Variants in COL5A2 observed in about 807,000 individuals in gnomAD.
COL5A2 encodes collagen alpha-2(V) chain.
In COL5A2, 23 loss-of-function variants were observed where a neutral mutation model predicts 208.2. That is an observed-to-expected ratio of 0.11 (90% confidence interval 0.08 to 0.16). The LOEUF is 0.16. Ranked by LOEUF, COL5A2 falls within the 10% of genes least tolerant of loss-of-function variation. The pLI, the probability that COL5A2 is intolerant of heterozygous loss-of-function variation, is 1.00. For missense variants in COL5A2, 1,590 were observed against 1,956.4 expected (o/e 0.81, Z 3.53); for synonymous variants, 625 against 628.5 (o/e 0.99, Z 0.08).
intron 3 of COL5A2, among the ~76,000 whole-genome samples, chr2:189,103,815 G>C (rs1044500123): frequency 6.6e-6 from 1 of 151,958 alleles, no homozygotes; most frequent in Non-Finnish European, 1.5e-5. Context: ...CAATGAGAGA[G>C]GGGCTACAGG....
the COL5A2 span, among the ~76,000 whole-genome samples, chr2:189,291,482 T>C: frequency 6.6e-6 from 1 of 152,138 alleles, no homozygotes; most frequent in Admixed American, 6.5e-5. Context: ...TTTTACTCCC[T>C]TATAGTTGAA....
chr2:189,089,873 G>A (rs958127929), intron 7 of COL5A2, among the ~76,000 whole-genome samples: 5 of 152,066 alleles, frequency 3.3e-5, no homozygotes, highest in Non-Finnish European at 7.4e-5. Flanking sequence ...TCTACCAACC[G>A]GGTGTTCCCC....
At chr2:189,048,100 A>C (rs1381620441) in intron 45 of COL5A2, 109 bp downstream of exon 45, 1 of 961,102 alleles carries the variant, frequency 1.0e-6, no homozygotes, top group Non-Finnish European at 1.7e-6. Flanking sequence ...ATTCAGAAAA[A>C]TCAGAAGTGT....
the COL5A2 span, among the ~76,000 whole-genome samples, chr2:189,369,611 A>G: frequency 4.0e-5 from 6 of 151,850 alleles, no homozygotes; most frequent in South Asian, 1.0e-3. Context: ...TTACCTATGA[A>G]TTTTGATTAT....
the COL5A2 span, among the ~76,000 whole-genome samples, chr2:189,320,454 T>G: frequency 5.3e-5 from 8 of 152,112 alleles, no homozygotes; most frequent in African/African-American, 1.9e-4. Context: ...GAATAACCAA[T>G]GCAGAGAAGT....
chr2:189,168,238 T>TTG (rs1553523273), intron 1 of COL5A2, among the ~76,000 whole-genome samples: 1 of 12,704 alleles, frequency 7.9e-5, no homozygotes, highest in Non-Finnish European at 1.0e-3. Flanking sequence ...TGTGCCCGGG[T>TTG]TTTTTTTTTT....
the COL5A2 span, among the ~76,000 whole-genome samples, chr2:189,297,319 T>C: frequency 6.6e-6 from 1 of 152,204 alleles, no homozygotes; most frequent in Non-Finnish European, 1.5e-5. Flanking sequence ...TATGGCTACA[T>C]TAAATTTGTC....
the COL5A2 span, among the ~76,000 whole-genome samples, chr2:189,397,993 A>G: frequency 2.0e-5 from 3 of 152,254 alleles, no homozygotes; most frequent in African/African-American, 7.2e-5. Flanking sequence ...TATTTTTATC[A>G]GCATTCAGTT....
At chr2:189,364,564 G>C in the COL5A2 span, among the ~76,000 whole-genome samples, 2 of 152,068 alleles carry the variant, frequency 1.3e-5, no homozygotes, top group Admixed American at 6.6e-5. Flanking sequence ...GTGGGCACCT[G>C]TCATTCCAGC....
the COL5A2 span, among the ~76,000 whole-genome samples, chr2:189,422,347 TA>T: frequency 3.9e-5 from 6 of 152,176 alleles, no homozygotes; most frequent in East Asian, 9.7e-4. Flanking sequence ...AATAATATTT[TA>T]AGAAACAGAA....
the COL5A2 span, among the ~76,000 whole-genome samples, chr2:189,416,829 C>T: frequency 6.6e-6 from 1 of 152,088 alleles, no homozygotes; most frequent in East Asian, 1.9e-4. Flanking sequence ...CATTTGTAGC[C>T]CACTGAATTT....
the COL5A2 span, among the ~76,000 whole-genome samples, chr2:189,251,211 T>C: frequency 2.0e-5 from 3 of 152,112 alleles, no homozygotes; most frequent in Admixed American, 2.0e-4. Context: ...AAATATCCTC[T>C]AATAATCAAT....
the COL5A2 span, among the ~76,000 whole-genome samples, chr2:189,407,853 A>G: frequency 6.6e-6 from 1 of 152,224 alleles, no homozygotes; most frequent in Admixed American, 6.5e-5. Context: ...ACCTGTAGTC[A>G]GGAAATGAGA....
the COL5A2 span, among the ~76,000 whole-genome samples, chr2:189,263,820 T>C: frequency 6.6e-6 from 1 of 152,166 alleles, no homozygotes. Flanking sequence ...GTGTAGTAAG[T>C]AATCTAGGTT....
chr2:189,346,394 A>T, the COL5A2 span, among the ~76,000 whole-genome samples: 1 of 152,288 alleles, frequency 6.6e-6, no homozygotes, highest in South Asian at 2.1e-4. Flanking sequence ...AATTACTATC[A>T]ATGTTCATAC....
intron 7 of COL5A2, among the ~76,000 whole-genome samples, chr2:189,091,753 G>T (rs1686790356): frequency 6.6e-6 from 1 of 152,136 alleles, no homozygotes; most frequent in Non-Finnish European, 1.5e-5. Context: ...TCCATGGTTT[G>T]CCTGTACTTA....
intron 5 of COL5A2, among the ~76,000 whole-genome samples, chr2:189,097,957 A>G (rs186372325): frequency 7.2e-5 from 11 of 152,310 alleles, no homozygotes; most frequent in Middle Eastern, 6.8e-3. Context: ...TCTTAATTAC[A>G]GTTACTTTTC....
intron 1 of COL5A2, among the ~76,000 whole-genome samples, chr2:189,135,381 C>G (rs1042247440): frequency 1.3e-5 from 2 of 152,146 alleles, no homozygotes; most frequent in Non-Finnish European, 2.9e-5. Context: ...AAGAGTAACA[C>G]ATGGGCTTTG....
At position 189,151,805 on chromosome 2, in the gene COL5A2, CTTTGG is replaced by C. The variant is rs552455515; in HGVS notation, c.97+27698_97+27702del. Reference sequence around the variant, plus strand: ...ACACACCTTATATACTTCTCAATAACTTTGGTTAAACTCTATCCTAGTAAGAAATT... The same window carrying C: ...ACACACCTTATATACTTCTCAATAACTTAAACTCTATCCTAGTAAGAAATT... On this transcript the variant is annotated intron_variant, in intron 1 of 53. Coordinates refer to ENST00000374866, the MANE Select transcript of COL5A2 (RefSeq NM_000393.5). Among the ~76,000 whole-genome samples the C allele has an allele frequency of 6.3e-3, 959 of 152,252 alleles. 14 individuals carry two copies. The highest frequency in any genetic ancestry group is 0.02 in the African/African-American group (848 of 41,562).
Sources: gnomAD v4.1 joint callset for allele counts (sites outside exome capture counted in the v4.1 genomes callset) on GRCh38, gnomAD v4.1.1 for gene constraint, MANE v1.5 for transcripts, NCBI Gene and HGNC (gene_info 2026-07-23, HGNC 2026-07-21) for gene names.